The following ENKUR variants were observed in gnomAD, a reference collection of about 807,000 sequenced individuals.
The protein encoded by ENKUR is enkurin.
In ENKUR, 19 loss-of-function variants were observed where a neutral mutation model predicts 27.6. That is an observed-to-expected ratio of 0.69 (90% CI 0.48 to 1.01). The LOEUF is 1.01. ENKUR is among the 50% of genes least tolerant of loss of function. ENKUR has a pLI of 0.00. For missense variants in ENKUR, 312 were observed against 310.5 expected, an observed-to-expected ratio of 1.00 and a Z score of -0.04; for synonymous variants, 117 against 96.9, an observed-to-expected ratio of 1.21 and a Z score of -1.22.
chr10:25,025,535 A>G (rs1458635748), intron 2 of ENKUR: 2 of 1,365,372 alleles, frequency 1.5e-6, no homozygotes, highest in Non-Finnish European at 2.0e-6. Context: ...GTACAGTAGC[A>G]TTTTGTCTTT....
chr10:25,047,669 C>G (rs578117059), intron 2 of ENKUR, among the ~76,000 whole-genome samples: 3 of 152,114 alleles, frequency 2.0e-5, no homozygotes. Context: ...AAAAAGCAAG[C>G]CAGATCTTGA....
At chr10:25,033,949 G>A (rs1354792375) in intron 2 of ENKUR, among the ~76,000 whole-genome samples, 1 of 151,894 alleles carries the variant, frequency 6.6e-6, no homozygotes, top group Non-Finnish European at 1.5e-5. Flanking sequence ...TAAAATAAAT[G>A]AGCAAGTGTT....
intron 2 of ENKUR, among the ~76,000 whole-genome samples, chr10:25,057,278 TGA>T (rs533861275): frequency 2.6e-4 from 40 of 151,462 alleles, no homozygotes; most frequent in African/African-American, 9.7e-4. Flanking sequence ...AGTGAAGTAA[TGA>T]GATAGAAGAA....
rs186281715 is a variant in ENKUR, at chr10:25,024,504, T to A, written c.38-28635A>T. On this transcript the variant is annotated intron_variant, in intron 2 of 5. Transcript: ENST00000615958. ...AAATAATTGGCAGTCAGAGAGAAAA[T>A]GGATGGGCAGTGGGTGTTGAGTCAG... 236 of 1,614,076 alleles carry A rather than the reference T, an allele frequency of 1.5e-4. 1 individual carries two copies. The highest frequency in any genetic ancestry group is 4.9e-4 in the Middle Eastern group (3 of 6,062).
At chr10:25,045,087 C>A (rs964458728) in intron 2 of ENKUR, among the ~76,000 whole-genome samples, 2 of 152,170 alleles carry the variant, frequency 1.3e-5, no homozygotes, top group Non-Finnish European at 2.9e-5. Context: ...TGTAGTTGCC[C>A]TATTTCAAGG....
At chr10:25,024,485 T>C in intron 2 of ENKUR, 2 of 1,614,202 alleles carry the variant, frequency 1.2e-6, no homozygotes, top group Non-Finnish European at 1.7e-6. Flanking sequence ...GCACAAATAA[T>C]TGGCAGTCAG....
intron 2 of ENKUR, chr10:25,023,925 A>C (rs1850779193): frequency 6.2e-7 from 1 of 1,614,054 alleles, no homozygotes. Flanking sequence ...TCATTTCAAC[A>C]AGACACGTTT....
chr10:25,035,850 G>A (rs769149089), intron 2 of ENKUR, among the ~76,000 whole-genome samples: 1 of 152,162 alleles, frequency 6.6e-6, no homozygotes, highest in Non-Finnish European at 1.5e-5. Flanking sequence ...TTCTTCTCTG[G>A]ACAGCGTTGA....
chr10:25,011,080 A>G lies in ENKUR; in HGVS notation c.77+4780T>C, dbSNP rs1169100387. Among the ~76,000 whole-genome samples, 749 of 149,022 alleles carry G rather than the reference A, an allele frequency of 5.0e-3. 5 individuals carry two copies. Among genetic ancestry groups the G allele is most frequent in the African/African-American group, 0.017 (708 of 40,934 alleles). On this transcript the variant is annotated intron_variant, in intron 1 of 5. Transcript: ENST00000331161. ...CCACCAACAGTGTAAAAGTGTTCCT[A>G]TTTCTCCACATCCTCTCCAGCACCT...
At chr10:25,061,291 C>T (rs1034604023) in exon 2 of ENKUR, 1 of 730,206 alleles carries the variant, frequency 1.4e-6, no homozygotes, top group African/African-American at 1.8e-5. Context: ...CAACTTTATC[C>T]CAGGCTTTCT....
intron 2 of ENKUR, chr10:25,024,136 A>C (rs762734713): frequency 1.2e-6 from 2 of 1,614,192 alleles, no homozygotes; most frequent in Non-Finnish European, 1.7e-6. Flanking sequence ...TCCTGCAGAC[A>C]TACCTGCTGC....
chr10:25,035,821 T>C (rs747450411), intron 2 of ENKUR, among the ~76,000 whole-genome samples: 1 of 152,214 alleles, frequency 6.6e-6, no homozygotes, highest in Non-Finnish European at 1.5e-5. Context: ...AATATTCTTA[T>C]CTGTTTGACT....
chr10:25,045,274 C>T (rs1490883995), intron 2 of ENKUR, among the ~76,000 whole-genome samples: 1 of 152,148 alleles, frequency 6.6e-6, no homozygotes, highest in Non-Finnish European at 1.5e-5. Flanking sequence ...GAGACCAGAA[C>T]CAGTTAATTT....
chr10:24,996,203 G>A (rs1047107698), intron 2 of ENKUR, among the ~76,000 whole-genome samples: 7 of 152,190 alleles, frequency 4.6e-5, no homozygotes, highest in East Asian at 1.9e-4. Flanking sequence ...TGGGCAGATC[G>A]CTTGAGCTCA....
At chr10:25,018,659 G>GTTTT (rs374289213), upstream of ENKUR, among the ~76,000 whole-genome samples, 251 of 93,556 alleles carry the variant, frequency 2.7e-3, 15 homozygotes, top group Middle Eastern at 6.8e-3. Context: ...AATGAGAGTT[G>GTTTT]TTTTTTTTTT....
At chr10:25,053,032 G>A (rs1210282294) in intron 2 of ENKUR, among the ~76,000 whole-genome samples, 4 of 149,156 alleles carry the variant, frequency 2.7e-5, no homozygotes, top group African/African-American at 7.4e-5. Context: ...GCCTCCCAAA[G>A]TGCTGGGATT....
intron 2 of ENKUR, among the ~76,000 whole-genome samples, chr10:25,044,188 T>G (rs1851095444): frequency 6.6e-6 from 1 of 152,232 alleles, no homozygotes; most frequent in Admixed American, 6.5e-5. Context: ...TTCTGAATTC[T>G]ATTATCTTCT....
chr10:24,987,309 C>T (rs1416069674), intron 4 of ENKUR, among the ~76,000 whole-genome samples: 2 of 152,046 alleles, frequency 1.3e-5, no homozygotes, highest in East Asian at 1.9e-4. Context: ...CTTGTTGGTT[C>T]CCTTAACCCT....
In ENKUR at chr10:25,012,446, G is replaced by A. The variant is rs183241262; in HGVS notation, c.77+3414C>T. ...TCAATGCCCACCCATGAAAGCAGCC[G>A]GAATGGGGGCTGTACTGTGCCAGGT... On this transcript the variant is annotated intron_variant, in intron 1 of 5. Transcript: ENST00000331161. 1.1e-3 allele frequency among the ~76,000 whole-genome samples: 164 copies of A among 152,308 alleles called. No homozygotes were observed. The Middle Eastern group carries it at 0.02, about 19-fold the overall frequency.
Sources: gnomAD v4.1 joint callset for allele counts (sites outside exome capture counted in the v4.1 genomes callset) on GRCh38, gnomAD v4.1.1 for gene constraint, MANE v1.5 for transcripts, NCBI Gene and HGNC (gene_info 2026-07-23, HGNC 2026-07-21) for gene names.